AKAP12: variants seen among roughly 807,000 people sequenced by gnomAD.
The protein encoded by AKAP12 is A-kinase anchoring protein 12.
A neutral mutation model predicts 79.9 loss-of-function variants in AKAP12; 32 were observed. The ratio of observed to expected loss-of-function variants is 0.40; its 90% CI spans 0.30 to 0.54. The LOEUF (loss-of-function observed/expected upper bound fraction) is 0.54. AKAP12 is among the 20% of genes least tolerant of loss of function. AKAP12 has a pLI of 0.48. For missense variants in AKAP12, 2,074 were observed against 2,177.0 expected (o/e 0.95, Z 0.94); for synonymous variants, 808 against 857.0 (o/e 0.94, Z 1.00).
intron 3 of AKAP12, among the ~76,000 whole-genome samples, chr6:151,313,707 C>A: frequency 6.7e-6 from 1 of 148,196 alleles, no homozygotes; most frequent in African/African-American, 2.6e-5. Flanking sequence ...AGCAAGACTT[C>A]TGTTCACCCT....
rs1382264894 is a variant in AKAP12 at position 151,349,675 on chromosome 6, C to T, written c.1284C>T (p.Thr428=). The change falls in exon 4 of 5, where the codon ACC becomes ACT. Residue 428 remains threonine, a synonymous_variant. Transcript: ENST00000402676. The part of the protein sequence containing the change: ...EVHVSTVEER[T]EEQKTEVEET... ...ACGTCAGCACCGTGGAGGAGAGAAC[C>T]GAAGAGCAGAAAACGGAGGTGGAAG... 18 of 1,613,912 alleles carry T rather than the reference C, an allele frequency of 1.1e-5. No homozygotes were observed. Among genetic ancestry groups the T allele is most frequent in the African/African-American group, 1.3e-5 (1 of 74,922 alleles).
In AKAP12 at chr6:151,272,493, TGATAGATAGATA is replaced by T. The variant is rs76256853; in HGVS notation, c.162+31804_162+31815del. ...CTTTGCCTTCCTGTTTTTCATGAGA[TGATAGATAGATA>T]GATAGATAGATAGATAGATAGATAG... is the stretch of plus-strand genomic sequence containing the variant. On this transcript the variant is annotated intron_variant, in intron 2 of 4. Transcript: ENST00000402676. 8.7e-3 allele frequency among the ~76,000 whole-genome samples: 1,261 copies of T among 144,346 alleles called. 19 individuals are homozygous for T. The highest frequency in any genetic ancestry group is 0.029 in the African/African-American group (1,117 of 38,900). The allele number at this position is 144,346 out of a possible 152,430, so 94.7% of individuals were successfully genotyped here.
intron 4 of AKAP12, among the ~76,000 whole-genome samples, chr6:151,354,888 C>T (rs1372884813): frequency 6.6e-6 from 1 of 151,800 alleles, no homozygotes; most frequent in East Asian, 2.0e-4. Flanking sequence ...GCTATGTTGC[C>T]CAGGCTGGTC....
chr6:151,341,057 CTTTTTTTTT>C (rs11359622), intron 3 of AKAP12, among the ~76,000 whole-genome samples: 4 of 138,192 alleles, frequency 2.9e-5, no homozygotes, highest in Non-Finnish European at 4.6e-5. Flanking sequence ...TCTTTTTTTT[CTTTTTTTTT>C]TTTTTGACAC....
At chr6:151,265,486 G>T (rs1797533605) in intron 2 of AKAP12, among the ~76,000 whole-genome samples, 1 of 152,140 alleles carries the variant, frequency 6.6e-6, no homozygotes, top group Admixed American at 6.5e-5. Flanking sequence ...ATTGCTCTTT[G>T]AACTTTAAAT....
chr6:151,339,981 C>T (rs936303937), intron 3 of AKAP12, among the ~76,000 whole-genome samples: 5 of 151,494 alleles, frequency 3.3e-5, no homozygotes, highest in African/African-American at 7.3e-5. Context: ...GGCTGGAGTG[C>T]AGTGGCGCGA....
chr6:151,353,573 C>T lies in AKAP12; in HGVS notation c.5182C>T (p.Pro1728Ser). ...DASGGLTKES[P>S]DTNGPKQKEK... ...CTCAGGAGGCTTAACCAAAGAGTCC[C>T]CAGATACAAATGGACCAAAACAAAA... is the stretch of plus-strand genomic sequence containing the variant. The change falls in exon 4 of 5, where the codon CCA becomes TCA. Residue 1728 changes from proline to serine, a missense_variant. Physicochemically the swap from Pro to Ser is moderately conservative, Grantham distance 74. Transcript: ENST00000402676. The T allele has an allele frequency of 6.2e-7, 1 of 1,614,036 alleles. No individual in the cohort carries two copies. Among genetic ancestry groups the T allele is most frequent in the Non-Finnish European group, 8.5e-7 (1 of 1,179,982 alleles).
chr6:151,259,520 A>ACG (rs1797377616), intron 2 of AKAP12, among the ~76,000 whole-genome samples: 1 of 144,574 alleles, frequency 6.9e-6, no homozygotes, highest in Non-Finnish European at 1.5e-5. Flanking sequence ...ATACACACAC[A>ACG]CACACACACA....
rs1478406204 is a variant in AKAP12, at chr6:151,251,406, A to G, written c.162+10682A>G. Among the ~76,000 whole-genome samples, 3 of 152,152 alleles carry G rather than the reference A, an allele frequency of 2.0e-5. No individual in the cohort carries two copies. The East Asian group carries it at 5.8e-4, about 29-fold the overall frequency. ...GTGACTAGAAAGGGTGACTTCAGGG[A>G]GATTATGTTGGCAAGCATTTTCACA... On this transcript the variant is annotated intron_variant, in intron 2 of 4. Coordinates refer to ENST00000402676, the MANE Select transcript of AKAP12 (RefSeq NM_005100.4).
In AKAP12 at chr6:151,351,609, A is replaced by G. The variant is rs368199803; in HGVS notation, c.3218A>G (p.Glu1073Gly). ...EDVLQPVQRA[E>G]AERPEEQAEA... The stretch of plus-strand genomic sequence containing the variant: ...GTGCTTCAGCCTGTGCAGAGAGCAG[A>G]GGCAGAAAGACCAGAAGAGCAGGCT... Residue 1073 changes from glutamate (E) to glycine (G), a missense_variant, in exon 4 of 5, where the codon GAG becomes GGG. Glu to Gly is a moderately conservative substitution (Grantham distance 98). Coordinates refer to ENST00000402676, the MANE Select transcript of AKAP12 (RefSeq NM_005100.4). The surrounding 1 kb of genome is among the most constrained non-coding windows in gnomAD (Gnocchi z 4.4). 1 of 1,614,158 alleles carries G rather than the reference A, an allele frequency of 6.2e-7. No individual in the cohort carries two copies. Among genetic ancestry groups the G allele is most frequent in the African/African-American group, 1.3e-5 (1 of 75,064 alleles).
intron 2 of AKAP12, among the ~76,000 whole-genome samples, chr6:151,305,390 A>G (rs1444102976): frequency 6.6e-6 from 1 of 152,216 alleles, no homozygotes; most frequent in Non-Finnish European, 1.5e-5. Flanking sequence ...AGAGGTTTTT[A>G]AGTCTGCCTT....
intron 2 of AKAP12, among the ~76,000 whole-genome samples, chr6:151,303,948 G>A (rs1275338939): frequency 6.6e-6 from 1 of 152,164 alleles, no homozygotes; most frequent in African/African-American, 2.4e-5. Flanking sequence ...TTCGGGCCAT[G>A]ATGCCCCCAT....
rs1295839933 is a variant in AKAP12, at chr6:151,353,699, CAA to C, written c.5309_5310del (p.Gln1770ArgfsTer37). On this transcript the variant is annotated frameshift_variant, in exon 4 of 5. Transcript: ENST00000402676. LOFTEE classifies it low-confidence loss of function (END_TRUNC). The stretch of plus-strand genomic sequence containing the variant: ...CCAAGCACAGGAGGAGTTACAGAAA[CAA>C]GAGAGAGAATCTGCAAAGTCAGAAC... ...TPQAQEELQK[Q>X]ERESAKSELT... The C allele has an allele frequency of 6.9e-6, 11 of 1,605,318 alleles. No homozygotes were observed. The highest frequency in any genetic ancestry group is 9.3e-6 in the Non-Finnish European group (11 of 1,176,822).
At chr6:151,345,091 G>T (rs949883612) in intron 3 of AKAP12, among the ~76,000 whole-genome samples, 3 of 150,506 alleles carry the variant, frequency 2.0e-5, no homozygotes, top group African/African-American at 4.9e-5. Flanking sequence ...TTTTTTTTTG[G>T]GGGGGACAGA....
intron 3 of AKAP12, among the ~76,000 whole-genome samples, chr6:151,337,600 C>A (rs796126543): frequency 1.3e-5 from 2 of 152,098 alleles, no homozygotes; most frequent in African/African-American, 4.8e-5. Context: ...CACCCATACC[C>A]TTTACTCAGA....
Position 151,345,932 on chromosome 6 carries a change from TGA to T in AKAP12, c.320-2748_320-2747del, listed in dbSNP as rs56202215. Among the ~76,000 whole-genome samples, 546 of 101,330 alleles carry T rather than the reference TGA, an allele frequency of 5.4e-3. 2 individuals carry two copies. The highest frequency in any genetic ancestry group is 9.0e-3 in the African/African-American group (207 of 22,964). 66.5% of individuals were successfully genotyped at this position (101,330 alleles called of 152,430 possible). ...GTGTGTGTGTGTGTGTGTGTGTGTG[TGA>T]GAGAGAGAGAGAGAGAGAGAGAGAG... On this transcript the variant is annotated intron_variant, in intron 3 of 4. Transcript: ENST00000402676.
chr6:151,255,186 A>G (rs1441036988), intron 2 of AKAP12, among the ~76,000 whole-genome samples: 2 of 150,604 alleles, frequency 1.3e-5, no homozygotes, highest in South Asian at 4.2e-4. Flanking sequence ...TTTTTTTGAG[A>G]CGGAGTTTCG....
At chr6:151,293,902 A>G (rs796101806) in intron 2 of AKAP12, among the ~76,000 whole-genome samples, 3 of 151,894 alleles carry the variant, frequency 2.0e-5, no homozygotes, top group Non-Finnish European at 4.4e-5. Flanking sequence ...TTAAGTAGAG[A>G]TGCATTTTCT....
At chr6:151,269,645 G>A (rs977764065) in intron 2 of AKAP12, among the ~76,000 whole-genome samples, 2 of 152,142 alleles carry the variant, frequency 1.3e-5, no homozygotes, top group African/African-American at 2.4e-5. Flanking sequence ...CTTTGCCTCC[G>A]AGCACTCTTC....
Sources: gnomAD v4.1 joint callset for allele counts (sites outside exome capture counted in the v4.1 genomes callset) on GRCh38, gnomAD v4.1.1 for gene constraint, Gnocchi (gnomAD v3.1) non-coding constraint, MANE v1.5 for transcripts, NCBI Gene and HGNC (gene_info 2026-07-23, HGNC 2026-07-21) for gene names.